The following SLC8A3 variants were observed in gnomAD, a reference collection of about 807,000 sequenced individuals.
SLC8A3 encodes the protein solute carrier family 8 member A3.
Under a neutral mutation model 65.4 loss-of-function variants are expected in SLC8A3, and 37 were observed. The observed-to-expected ratio is 0.57, with a 90% CI of 0.44 to 0.74. The LOEUF is 0.74. Among genes scored for constraint, SLC8A3 ranks in the 30% least tolerant of loss-of-function variants. The pLI, the probability that SLC8A3 is intolerant of heterozygous loss-of-function variation, is 0.00. For synonymous variants in SLC8A3, 461 were observed against 444.5 expected, an observed-to-expected ratio of 1.04 and a Z score of -0.47; for missense variants, 1,112 against 1,172.1, an observed-to-expected ratio of 0.95 and a Z score of 0.75.
chr14:70,167,871 G>A lies in SLC8A3; in HGVS notation c.552C>T (p.Ile184=). Residue 184 remains isoleucine (I), a synonymous_variant, in exon 2 of 7, where the codon ATC becomes ATT. Coordinates refer to ENST00000356921, the MANE Select transcript of SLC8A3 (RefSeq NM_182932.3). The part of the protein sequence containing the change: ...AAFNMFIIIG[I]CVYVIPDGET... ...CTCCGTCTGGGATCACGTAGACACA[G>A]ATGCCAATGATGATGAACATGTTGA... The A allele has an allele frequency of 3.1e-6, 5 of 1,614,160 alleles. No homozygotes were observed. Among genetic ancestry groups the A allele is most frequent in the Non-Finnish European group, 4.2e-6 (5 of 1,180,030 alleles).
intron 2 of SLC8A3, among the ~76,000 whole-genome samples, chr14:70,152,871 G>A (rs1036144949): frequency 2.0e-5 from 3 of 152,198 alleles, no homozygotes; most frequent in African/African-American, 7.2e-5. Context: ...GTCATTACAA[G>A]GCCCAGATAG....
chr14:70,062,445 TA>T, intron 2 of SLC8A3, among the ~76,000 whole-genome samples: 1 of 152,334 alleles, frequency 6.6e-6, no homozygotes, highest in Non-Finnish European at 1.5e-5. Flanking sequence ...TAGATGTGTT[TA>T]GATACACAAA....
At chr14:70,094,696 C>T (rs1014386629) in intron 2 of SLC8A3, among the ~76,000 whole-genome samples, 1 of 152,166 alleles carries the variant, frequency 6.6e-6, no homozygotes, top group African/African-American at 2.4e-5. Flanking sequence ...GAATGTCCCC[C>T]CTGCTGTTGA....
At chr14:70,063,544 C>T (rs1217469242) in intron 2 of SLC8A3, among the ~76,000 whole-genome samples, 1 of 152,210 alleles carries the variant, frequency 6.6e-6, no homozygotes, top group African/African-American at 2.4e-5. Context: ...TCCCCATACT[C>T]ATTTCCTTAT....
chr14:70,117,252 T>G (rs1424560833), intron 2 of SLC8A3, among the ~76,000 whole-genome samples: 1 of 152,168 alleles, frequency 6.6e-6, no homozygotes, highest in Non-Finnish European at 1.5e-5. Context: ...CCTCATGGGG[T>G]GGAGTGGGAA....
At chr14:70,108,516 G>A (rs59483621) in intron 2 of SLC8A3, among the ~76,000 whole-genome samples, 9 of 151,470 alleles carry the variant, frequency 5.9e-5, no homozygotes, top group African/African-American at 1.5e-4. Context: ...TTGCTGCTTC[G>A]TCTCCCCTTA....
At chr14:70,106,327 CT>C (rs944068563) in intron 2 of SLC8A3, among the ~76,000 whole-genome samples, 3 of 152,010 alleles carry the variant, frequency 2.0e-5, no homozygotes, top group Admixed American at 1.3e-4. Flanking sequence ...TTCTCACATA[CT>C]TTTTTTATTT....
At chr14:70,090,360 A>G (rs1566772517) in intron 2 of SLC8A3, among the ~76,000 whole-genome samples, 2 of 152,164 alleles carry the variant, frequency 1.3e-5, no homozygotes, top group Admixed American at 6.5e-5. Context: ...ATCACGTCAT[A>G]TGCGCATGTC....
At chr14:70,180,304 T>C (rs1882635272) in intron 1 of SLC8A3, among the ~76,000 whole-genome samples, 2 of 152,218 alleles carry the variant, frequency 1.3e-5, no homozygotes, top group South Asian at 4.1e-4. Context: ...TTAAATCATA[T>C]CATTGCCTGA....
chr14:70,051,031 A>C lies in SLC8A3; in HGVS notation c.2090T>G (p.Met697Arg). 1 of 1,613,082 alleles carries C rather than the reference A, an allele frequency of 6.2e-7. No homozygotes were observed. The highest frequency in any genetic ancestry group is 8.5e-7 in the Non-Finnish European group (1 of 1,179,144). The change falls in exon 5 of 7, where the codon ATG becomes AGG. Residue 697 changes from methionine to arginine, a missense_variant. Coordinates refer to ENST00000356921, the MANE Select transcript of SLC8A3 (RefSeq NM_182932.3). ...ACCTGCACTGACGGTGATGGCCTCCATGAACTGGTCCCTCCAGGAATGGGT... is the reference window on the plus strand; with the variant it reads ...ACCTGCACTGACGGTGATGGCCTCCCTGAACTGGTCCCTCCAGGAATGGGT... ...VGTHSWRDQF[M>R]EAITVSAAGD...
At chr14:70,115,407 T>C (rs1893590079) in intron 2 of SLC8A3, among the ~76,000 whole-genome samples, 1 of 152,216 alleles carries the variant, frequency 6.6e-6, no homozygotes. Context: ...AACAGTGTAA[T>C]GGTTAAAAGC....
chr14:70,157,167 A>T (rs1236360483), intron 2 of SLC8A3, among the ~76,000 whole-genome samples: 2 of 152,194 alleles, frequency 1.3e-5, no homozygotes, highest in Non-Finnish European at 2.9e-5. Flanking sequence ...GCCCCAGTAC[A>T]GGCCACTACA....
chr14:70,057,989 G>A (rs779854633), intron 3 of SLC8A3, among the ~76,000 whole-genome samples: 29 of 152,184 alleles, frequency 1.9e-4, no homozygotes, highest in Non-Finnish European at 2.8e-4. Context: ...TGTTGCTCTC[G>A]GAAGTCCACT....
intron 2 of SLC8A3, among the ~76,000 whole-genome samples, chr14:70,090,237 A>T (rs1267370761): frequency 6.6e-6 from 1 of 152,212 alleles, no homozygotes; most frequent in East Asian, 1.9e-4. Flanking sequence ...TACCAGAAAT[A>T]TTCTTGCTTG....
At chr14:70,056,899 T>C (rs1297128666) in intron 3 of SLC8A3, among the ~76,000 whole-genome samples, 1 of 152,212 alleles carries the variant, frequency 6.6e-6, no homozygotes, top group Non-Finnish European at 1.5e-5. Flanking sequence ...TTAAGGAAAC[T>C]TGTGACACAC....
chr14:70,187,847 G>A (rs1371454387), intron 1 of SLC8A3, among the ~76,000 whole-genome samples: 4 of 152,130 alleles, frequency 2.6e-5, no homozygotes, highest in Non-Finnish European at 5.9e-5. Context: ...CGAGATTGGG[G>A]TGAGCGCGTG....
At position 70,045,992 on chromosome 14, in the gene SLC8A3, T is replaced by A; in HGVS notation, c.2721A>T (p.Ile907=). The change falls in exon 7 of 7, where the codon ATA becomes ATT. Residue 907 remains isoleucine, a synonymous_variant. Transcript: ENST00000356921. ...WLFVSLWLLY[I]LFATLEAYCY... ...AATAGGCCTCTAGTGTGGCAAAGAGTATGTAGAGGAGCCACAGGCTCACAA... is the reference window on the plus strand; with the variant it reads ...AATAGGCCTCTAGTGTGGCAAAGAGAATGTAGAGGAGCCACAGGCTCACAA... 6.2e-7 allele frequency: 1 copy of A among 1,610,454 alleles called. No individual in the cohort carries two copies. The highest frequency in any genetic ancestry group is 1.1e-5 in the South Asian group (1 of 90,674).
chr14:70,147,443 C>T (rs1263538618), intron 2 of SLC8A3, among the ~76,000 whole-genome samples: 1 of 152,150 alleles, frequency 6.6e-6, no homozygotes, highest in Non-Finnish European at 1.5e-5. Flanking sequence ...TATATAATCC[C>T]CTCCCTCAAG....
At chr14:70,098,522 A>G (rs533886443) in intron 2 of SLC8A3, among the ~76,000 whole-genome samples, 1 of 152,292 alleles carries the variant, frequency 6.6e-6, no homozygotes, top group East Asian at 1.9e-4. Context: ...AAGCAGGTGG[A>G]GAAGAGACTG....
Sources: gnomAD v4.1 joint callset for allele counts (sites outside exome capture counted in the v4.1 genomes callset) on GRCh38, gnomAD v4.1.1 for gene constraint, MANE v1.5 for transcripts, NCBI Gene and HGNC (gene_info 2026-07-23, HGNC 2026-07-21) for gene names.